The following SPAG16 variants were observed in gnomAD, a reference collection of about 807,000 sequenced individuals.
SPAG16 encodes the protein sperm-associated antigen 16 protein.
In SPAG16, 86 loss-of-function variants were observed where a neutral mutation model predicts 80.4. The observed-to-expected ratio is 1.07, with a 90% CI of 0.90 to 1.28. SPAG16 has a LOEUF of 1.28. Ranked by LOEUF, SPAG16 falls within the 50% of genes most tolerant of loss-of-function variation. SPAG16 has a pLI of 0.00. For missense variants in SPAG16, 870 were observed against 765.3 expected, an observed-to-expected ratio of 1.14 and a Z score of -1.61; for synonymous variants, 294 against 265.9, an observed-to-expected ratio of 1.11 and a Z score of -1.03.
chr2:213,935,133 C>T (rs901612613), intron 12 of SPAG16, among the ~76,000 whole-genome samples: 12 of 140,216 alleles, frequency 8.6e-5, no homozygotes, highest in East Asian at 4.6e-4. Flanking sequence ...ACCCAGTGGG[C>T]GGAGCTTGCA....
At chr2:213,851,161 T>A (rs1281680410) in intron 10 of SPAG16, among the ~76,000 whole-genome samples, 1 of 152,168 alleles carries the variant, frequency 6.6e-6, no homozygotes, top group Non-Finnish European at 1.5e-5. Flanking sequence ...AGTTTTACAT[T>A]GGACGAGAAA....
intron 12 of SPAG16, among the ~76,000 whole-genome samples, chr2:213,981,458 C>A (rs182407157): frequency 7.1e-4 from 108 of 152,032 alleles, no homozygotes; most frequent in African/African-American, 2.2e-3. Context: ...TATTTATGTT[C>A]CCAATAATTA....
intron 10 of SPAG16, among the ~76,000 whole-genome samples, chr2:213,588,253 T>C (rs1308162137): frequency 6.6e-6 from 1 of 152,212 alleles, no homozygotes; most frequent in East Asian, 1.9e-4. Context: ...TTCCTCCTTT[T>C]TATCTTTTCT....
chr2:214,243,438 C>A (rs980829990), intron 15 of SPAG16, among the ~76,000 whole-genome samples: 16 of 151,812 alleles, frequency 1.1e-4, no homozygotes, highest in African/African-American at 3.9e-4. Flanking sequence ...AACTATAGTA[C>A]CTGGCCTAAT....
chr2:214,023,440 T>C (rs1381706529), intron 13 of SPAG16, among the ~76,000 whole-genome samples: 1 of 151,762 alleles, frequency 6.6e-6, no homozygotes, highest in East Asian at 1.9e-4. Context: ...TTATGTGTTT[T>C]CTAAAATGCA....
At chr2:213,484,595 C>T (rs1422160477) in intron 9 of SPAG16, among the ~76,000 whole-genome samples, 1 of 152,046 alleles carries the variant, frequency 6.6e-6, no homozygotes, top group African/African-American at 2.4e-5. Context: ...AAAGAAAAGC[C>T]ATATAAAATC....
intron 10 of SPAG16, among the ~76,000 whole-genome samples, chr2:213,509,593 G>A (rs1272337347): frequency 3.3e-5 from 5 of 152,014 alleles, no homozygotes; most frequent in Admixed American, 1.3e-4. Flanking sequence ...GTATGCCGTT[G>A]GAATAAAGAT....
At chr2:213,460,647 T>A (rs115455314) in intron 9 of SPAG16, among the ~76,000 whole-genome samples, 2,202 of 152,276 alleles carry the variant, frequency 0.014, 23 homozygotes, top group South Asian at 0.038. Flanking sequence ...CATAGTAAAT[T>A]TGATATACAT....
At position 213,590,405 on chromosome 2, in the gene SPAG16, C is replaced by A. The variant is rs371064841; in HGVS notation, c.1070+100315C>A. On this transcript the variant is annotated intron_variant, in intron 10 of 15. Transcript: ENST00000331683. ...CCCAATGTTTGCATCTGACAAAGGA[C>A]TGATATCCAGAGTCTATAAAGAACT... is the stretch of plus-strand genomic sequence containing the variant. Among the ~76,000 whole-genome samples, 18 of 150,692 alleles carry A rather than the reference C, an allele frequency of 1.2e-4. No individual in the cohort carries two copies. The East Asian group carries it at 1.4e-3, about 11-fold the overall frequency.
intron 9 of SPAG16, among the ~76,000 whole-genome samples, chr2:213,406,344 C>T (rs1030539032): frequency 6.6e-5 from 10 of 152,252 alleles, no homozygotes; most frequent in Middle Eastern, 3.4e-3. Flanking sequence ...GGATTTCACA[C>T]GCCAGATCAA....
At chr2:214,117,660 A>C (rs1249797414) in intron 14 of SPAG16, among the ~76,000 whole-genome samples, 1 of 152,228 alleles carries the variant, frequency 6.6e-6, no homozygotes, top group African/African-American at 2.4e-5. Flanking sequence ...ATTCAGCATC[A>C]TCAAATGAGA....
At chr2:214,379,126 T>TAAC (rs1177610395) in intron 15 of SPAG16, among the ~76,000 whole-genome samples, 2 of 152,220 alleles carry the variant, frequency 1.3e-5, no homozygotes, top group Non-Finnish European at 2.9e-5. Context: ...TGAAAACTGC[T>TAAC]AACTCTTCAT....
intron 15 of SPAG16, among the ~76,000 whole-genome samples, chr2:214,409,338 G>A (rs1475037362): frequency 2.6e-5 from 4 of 152,122 alleles, no homozygotes; most frequent in South Asian, 2.1e-4. Context: ...CTGAGCTTAT[G>A]TAAACATATC....
intron 7 of SPAG16, among the ~76,000 whole-genome samples, chr2:213,362,887 C>A (rs1418491778): frequency 6.6e-6 from 1 of 152,108 alleles, no homozygotes; most frequent in African/African-American, 2.4e-5. Context: ...GCCTCCATGA[C>A]CCAAACACTT....
At chr2:214,026,558 C>T (rs993642256) in intron 13 of SPAG16, among the ~76,000 whole-genome samples, 1 of 151,384 alleles carries the variant, frequency 6.6e-6, no homozygotes, top group Non-Finnish European at 1.5e-5. Flanking sequence ...TCTTTATAAA[C>T]TAATATATAG....
chr2:213,863,122 C>T (rs948012115), intron 11 of SPAG16, among the ~76,000 whole-genome samples: 7 of 151,762 alleles, frequency 4.6e-5, no homozygotes, highest in Non-Finnish European at 8.8e-5. Context: ...CTGAAATTCA[C>T]TGAACCTAAA....
intron 15 of SPAG16, among the ~76,000 whole-genome samples, chr2:214,385,215 G>C (rs926316849): frequency 1.3e-5 from 2 of 152,182 alleles, no homozygotes; most frequent in Non-Finnish European, 2.9e-5. Flanking sequence ...ATAGTTGTAT[G>C]CTCTTGAGAG....
Position 213,317,359 on chromosome 2 carries a change from A to G in SPAG16, c.536+3A>G, listed in dbSNP as rs1302507849. 2.5e-6 allele frequency: 4 copies of G among 1,601,070 alleles called. No homozygotes were observed. Among genetic ancestry groups the G allele is most frequent in the Admixed American group, 1.8e-5 (1 of 56,764 alleles). On this transcript the variant is annotated splice_donor_region_variant and intron_variant, in intron 5 of 15. Transcript: ENST00000331683. ...AAGCACTACAAACAAGCAGCTGAGT[A>G]TGTTATTTTTTAAATGACATTTTCT...
At chr2:213,816,626 A>G (rs893089240) in intron 10 of SPAG16, among the ~76,000 whole-genome samples, 1 of 152,094 alleles carries the variant, frequency 6.6e-6, no homozygotes, top group African/African-American at 2.4e-5. Context: ...ACTTATGCCA[A>G]TATCCAGAAC....
Sources: gnomAD v4.1 joint callset for allele counts (sites outside exome capture counted in the v4.1 genomes callset) on GRCh38, gnomAD v4.1.1 for gene constraint, MANE v1.5 for transcripts, NCBI Gene and HGNC (gene_info 2026-07-23, HGNC 2026-07-21) for gene names.